MRPS35: variants seen among roughly 807,000 people sequenced by gnomAD.
The protein encoded by MRPS35 is small ribosomal subunit protein mS35.
Under a neutral mutation model 32.7 loss-of-function variants are expected in MRPS35, and 29 were observed. That is an observed-to-expected ratio of 0.89 (90% confidence interval 0.66 to 1.21). The LOEUF is 1.21. Among genes scored for constraint, MRPS35 ranks in the 50% most tolerant of loss-of-function variants. The probability of loss-of-function intolerance (pLI) is 0.00; values close to 1 mark genes in which losing one functional copy is unlikely to be tolerated. For missense variants in MRPS35, 373 were observed against 383.8 expected (o/e 0.97, Z 0.23); for synonymous variants, 148 against 139.3 (o/e 1.06, Z -0.44).
rs1210131927 is a variant in MRPS35, at chr12:27,755,666, G to A, written c.*216G>A. On this transcript the variant is annotated 3_prime_UTR_variant, in exon 8 of 8. Transcript: ENST00000081029. Reference sequence around the variant, plus strand: ...CTAGGAGGTCTCTGATTTCTTCTTGGTCTAAAGTGTTTTGATTTTATTTCT... The same window carrying A: ...CTAGGAGGTCTCTGATTTCTTCTTGATCTAAAGTGTTTTGATTTTATTTCT... 3 of 350,248 alleles carry A rather than the reference G, an allele frequency of 8.6e-6. No homozygotes were observed. Among genetic ancestry groups the A allele is most frequent in the South Asian group, 9.1e-5 (1 of 11,006 alleles). The allele number at this position is 350,248 out of a possible 1,614,324, so 21.7% of individuals were successfully genotyped here.
chr12:27,733,338 G>GTTAATA (rs2061930235), intron 5 of MRPS35, among the ~76,000 whole-genome samples: 1 of 152,106 alleles, frequency 6.6e-6, no homozygotes, highest in African/African-American at 2.4e-5. Context: ...AAATGTTAAT[G>GTTAATA]TTAATGTGAG....
In MRPS35 at chr12:27,724,202, AT is replaced by A. The variant is rs751806500; in HGVS notation, c.522+28del. ...AGTCTTAAGAGTAAGAGTTTTTTTC[AT>A]TTTTTTTTTTTAAATAAGAATCATT... On this transcript the variant is annotated intron_variant, in intron 5 of 7. Coordinates refer to ENST00000081029, the MANE Select transcript of MRPS35 (RefSeq NM_021821.4). The A allele has an allele frequency of 0.045, 47,642 of 1,056,230 alleles. No homozygotes were observed. The highest frequency in any genetic ancestry group is 0.073 in the South Asian group (3,868 of 52,944). The allele number at this position is 1,056,230 out of a possible 1,614,324, so 65.4% of individuals were successfully genotyped here. A position where few individuals can be genotyped will look rare whatever the true frequency, so the allele number is the denominator to read the frequency against.
chr12:27,722,954 C>T (rs772354401), intron 4 of MRPS35, among the ~76,000 whole-genome samples: 1 of 152,298 alleles, frequency 6.6e-6, no homozygotes, highest in Middle Eastern at 3.4e-3. Context: ...AAATAGTTCT[C>T]ACTGCCCCTT....
At chr12:27,738,669 G>A (rs2061951810) in intron 7 of MRPS35, among the ~76,000 whole-genome samples, 1 of 152,036 alleles carries the variant, frequency 6.6e-6, no homozygotes, top group Non-Finnish European at 1.5e-5. Flanking sequence ...GGACTCAATA[G>A]CATTTCATAC....
intron 7 of MRPS35, among the ~76,000 whole-genome samples, chr12:27,744,316 G>A (rs965263456): frequency 1.3e-5 from 2 of 152,072 alleles, no homozygotes; most frequent in African/African-American, 2.4e-5. Context: ...TATTGAGGCT[G>A]GGCGCGGTGG....
chr12:27,745,641 C>T (rs574526353), intron 7 of MRPS35, among the ~76,000 whole-genome samples: 1 of 151,548 alleles, frequency 6.6e-6, no homozygotes, highest in South Asian at 2.1e-4. Flanking sequence ...CATATTTATA[C>T]ATGTGCCATG....
At position 27,719,840 on chromosome 12, in the gene MRPS35, A is replaced by G; in HGVS notation, c.354A>G (p.Ala118=). 6.2e-7 allele frequency: 1 copy of G among 1,608,304 alleles called. No individual in the cohort carries two copies. Among genetic ancestry groups the G allele is most frequent in the Admixed American group, 1.7e-5 (1 of 59,920 alleles). The part of the protein sequence containing the change: ...IPNFLHLTPV[A]IKKHCEALKD... ...ATTTTCTGCATTTGACTCCTGTAGCAATTAAAAAGCACTGTGAAGCCCTTA... is the reference window on the plus strand; with the variant it reads ...ATTTTCTGCATTTGACTCCTGTAGCGATTAAAAAGCACTGTGAAGCCCTTA... The change falls in exon 4 of 8, where the codon GCA becomes GCG. Residue 118 remains alanine (A), a synonymous_variant. Transcript: ENST00000081029.
chr12:27,737,692 T>C, intron 7 of MRPS35, 84 bp downstream of exon 7: 1 of 1,078,992 alleles, frequency 9.3e-7, no homozygotes, highest in Non-Finnish European at 1.4e-6. Context: ...TGGCAAGTAC[T>C]CAACTGAGTA....
intron 6 of MRPS35, among the ~76,000 whole-genome samples, chr12:27,736,484 G>A (rs2061943425): frequency 1.4e-5 from 2 of 142,758 alleles, no homozygotes; most frequent in African/African-American, 2.6e-5. Context: ...AATTCTGTGA[G>A]TATCCAATAA....
At chr12:27,718,961 C>G (rs2061861863) in intron 3 of MRPS35, among the ~76,000 whole-genome samples, 1 of 152,144 alleles carries the variant, frequency 6.6e-6, no homozygotes, top group South Asian at 2.1e-4. Context: ...GTGGCACATG[C>G]CTGTAATCCC....
chr12:27,752,093 A>T (rs12809107), intron 7 of MRPS35, among the ~76,000 whole-genome samples: 107,978 of 150,872 alleles, frequency 0.72, 39,136 homozygotes, highest in African/African-American at 0.83. Context: ...AAAAAATAAA[A>T]TAAAATTAGC....
Position 27,751,761 on chromosome 12 carries a change from C to A in MRPS35, c.703-3420C>A, listed in dbSNP as rs149251087. On this transcript the variant is annotated intron_variant, in intron 7 of 7. Transcript: ENST00000081029. ...CTGCGCCCCAAGAGCGCCTGTACAA[C>A]GGTAGCAGGGCAATTATACCTTTTA... Among the ~76,000 whole-genome samples the A allele has an allele frequency of 4.4e-4, 67 of 152,336 alleles. 1 individual carries two copies. The highest frequency in any genetic ancestry group is 3.4e-3 in the Middle Eastern group (1 of 294).
At chr12:27,717,163 T>G (rs1367926804) in intron 3 of MRPS35, among the ~76,000 whole-genome samples, 1 of 151,948 alleles carries the variant, frequency 6.6e-6, no homozygotes, top group Non-Finnish European at 1.5e-5. Flanking sequence ...ATTACAGGTG[T>G]GAGCCACCAC....
chr12:27,750,670 T>G (rs1297971372), intron 7 of MRPS35, among the ~76,000 whole-genome samples: 1 of 151,996 alleles, frequency 6.6e-6, no homozygotes, highest in Non-Finnish European at 1.5e-5. Flanking sequence ...CAGGGCATGG[T>G]GGTACTCTCT....
At position 27,720,135 on chromosome 12, in the gene MRPS35, T is replaced by C. The variant is rs574939528; in HGVS notation, c.382+267T>C. On this transcript the variant is annotated intron_variant, in intron 4 of 7. Coordinates refer to ENST00000081029, the MANE Select transcript of MRPS35 (RefSeq NM_021821.4). ...GGCTGAGTGTGGTGGCTCATACTTG[T>C]AATCCCAGCACTTTGGAAGGCCGAG... is the stretch of plus-strand genomic sequence containing the variant. Among the ~76,000 whole-genome samples the C allele has an allele frequency of 2.0e-5, 3 of 152,248 alleles. No homozygotes were observed. In the South Asian group the frequency reaches 6.2e-4, roughly 32 times the overall value.
At chr12:27,735,602 T>C (rs2061940533) in intron 6 of MRPS35, 46 bp downstream of exon 6, 1 of 1,374,772 alleles carries the variant, frequency 7.3e-7, no homozygotes, top group African/African-American at 1.4e-5. Flanking sequence ...TGTTTCCTCA[T>C]TGTCCTCCAA....
At chr12:27,744,605 G>A (rs141743579) in intron 7 of MRPS35, among the ~76,000 whole-genome samples, 2,294 of 152,216 alleles carry the variant, frequency 0.015, 24 homozygotes, top group Admixed American at 0.023. Context: ...CTGGCAAGAC[G>A]CATCTCTTTA....
intron 5 of MRPS35, among the ~76,000 whole-genome samples, chr12:27,724,467 G>A (rs577988149): frequency 3.3e-4 from 50 of 152,290 alleles, no homozygotes; most frequent in Admixed American, 1.0e-3. Context: ...TATACACCAG[G>A]CATGGTGGCT....
chr12:27,727,039 CA>C (rs1229726119), intron 5 of MRPS35, among the ~76,000 whole-genome samples: 2 of 148,828 alleles, frequency 1.3e-5, no homozygotes, highest in African/African-American at 5.0e-5. Context: ...CAGCTCACTG[CA>C]AGCTCCGCCT....
Sources: gnomAD v4.1 joint callset for allele counts (sites outside exome capture counted in the v4.1 genomes callset) on GRCh38, gnomAD v4.1.1 for gene constraint, MANE v1.5 for transcripts, NCBI Gene and HGNC (gene_info 2026-07-23, HGNC 2026-07-21) for gene names.